GBP4: variants seen among roughly 807,000 people sequenced by gnomAD.
The protein encoded by GBP4 is guanylate binding protein 4.
In GBP4, 69 loss-of-function variants were observed where a neutral mutation model predicts 62.2. That is an observed-to-expected ratio of 1.11 (90% confidence interval 0.91 to 1.36). The LOEUF (loss-of-function observed/expected upper bound fraction) is 1.36, where lower values mean the gene tolerates loss of function less well. Among genes scored for constraint, GBP4 ranks in the 40% most tolerant of loss-of-function variants. The probability of loss-of-function intolerance (pLI) is 0.00; values close to 1 mark genes in which losing one functional copy is unlikely to be tolerated. For synonymous variants in GBP4, 278 were observed against 274.6 expected (o/e 1.01, Z -0.12); for missense variants, 697 against 759.3 (o/e 0.92, Z 0.96).
chr1:89,191,359 T>C lies in GBP4; in HGVS notation c.818A>G (p.Glu273Gly). ...HMDEVPEENLERHFLMQSDNF... is the reference protein window; with the variant it reads ...HMDEVPEENLGRHFLMQSDNF... ...GTCTGATTGCATAAGGAAATGCCTT[T>C]CCAGATTTTCTTCTGGCACTTCGTC... is the stretch of plus-strand genomic sequence containing the variant. The change falls in exon 6 of 11, where the codon GAA (glutamate) becomes GGA (glycine). Residue 273 changes from glutamate (E) to glycine (G), a missense_variant. Transcript: ENST00000355754. The C allele has an allele frequency of 6.8e-6, 11 of 1,614,246 alleles. No homozygotes were observed. The highest frequency in any genetic ancestry group is 9.3e-6 in the Non-Finnish European group (11 of 1,180,036).
At chr1:89,187,841 G>A (rs1378343952) in intron 8 of GBP4, among the ~76,000 whole-genome samples, 1 of 152,134 alleles carries the variant, frequency 6.6e-6, no homozygotes, top group Non-Finnish European at 1.5e-5. Context: ...GATAGCAAGT[G>A]TTGGCAAAGA....
Position 89,182,264 on chromosome 1 carries a change from C to G in GBP4, c.*2990G>C, listed in dbSNP as rs1362748324. 6.6e-6 allele frequency: 1 copy of G among 152,162 alleles called. No individual in the cohort carries two copies. Among genetic ancestry groups the G allele is most frequent in the Non-Finnish European group, 1.5e-5 (1 of 68,032 alleles). 9.4% of individuals were successfully genotyped at this position (152,162 alleles called of 1,614,324 possible). A position where few individuals can be genotyped will look rare whatever the true frequency, so the allele number is the denominator to read the frequency against. ...GCAAGCTGCTGCCTTAAAATCCAAG[C>G]TCCTTGAATGCACAATTTCTGTCCC... On this transcript the variant is annotated 3_prime_UTR_variant, in exon 11 of 11. Transcript: ENST00000355754.
chr1:89,189,402 A>G (rs901097318), intron 7 of GBP4, among the ~76,000 whole-genome samples: 2 of 152,220 alleles, frequency 1.3e-5, no homozygotes, highest in Non-Finnish European at 2.9e-5. Flanking sequence ...AAACATGCCT[A>G]TGGTAAGTAG....
At position 89,184,158 on chromosome 1, in the gene GBP4, C is replaced by G. The variant is rs1647967049; in HGVS notation, c.*1096G>C. 1 of 152,172 alleles carries G rather than the reference C, an allele frequency of 6.6e-6. No homozygotes were observed. Among genetic ancestry groups the G allele is most frequent in the South Asian group, 2.1e-4 (1 of 4,828 alleles). The allele number at this position is 152,172 out of a possible 1,614,324, so 9.4% of individuals were successfully genotyped here. A position where few individuals can be genotyped will look rare whatever the true frequency, so the allele number is the denominator to read the frequency against. ...CTACAGAAATGCATACCATCTCACA[C>G]CAGTCAGAATGGCTGTTACTAGAAA... is the stretch of plus-strand genomic sequence containing the variant. On this transcript the variant is annotated 3_prime_UTR_variant, in exon 11 of 11. Coordinates refer to ENST00000355754, the MANE Select transcript of GBP4 (RefSeq NM_052941.5).
At chr1:89,192,243 C>T (rs1648205779) in intron 5 of GBP4, among the ~76,000 whole-genome samples, 1 of 152,184 alleles carries the variant, frequency 6.6e-6, no homozygotes, top group Admixed American at 6.5e-5. Flanking sequence ...CAGGTATCCA[C>T]TCTGCTAAAT....
intron 4 of GBP4, 68 bp from the exon 5 acceptor site, chr1:89,193,168 T>A: frequency 6.4e-7 from 1 of 1,557,294 alleles, no homozygotes; most frequent in African/African-American, 1.4e-5. Context: ...AGAAACAAGT[T>A]TTATACACGT....
In GBP4 at chr1:89,198,937, G is replaced by A; in HGVS notation, c.-103C>T. The A allele has an allele frequency of 9.7e-7, 1 of 1,029,320 alleles. No homozygotes were observed. The highest frequency in any genetic ancestry group is 1.5e-6 in the Non-Finnish European group (1 of 648,208). 63.8% of individuals were successfully genotyped at this position (1,029,320 alleles called of 1,614,324 possible). A position where few individuals can be genotyped will look rare whatever the true frequency, so the allele number is the denominator to read the frequency against. On this transcript the variant is annotated 5_prime_UTR_variant, in exon 1 of 11. Transcript: ENST00000355754. ...ATCCAAGTAAGAGTCTGTGAGAACC[G>A]AAATTGAAAGGACATGCACTTTGTG...
chr1:89,192,917 C>T lies in GBP4; in HGVS notation c.657G>A (p.Leu219=), dbSNP rs758362147. The change falls in exon 5 of 11, where the codon TTG becomes TTA. Residue 219 remains leucine, a synonymous_variant. Transcript: ENST00000355754. ...ATGCTCTGATACCTGGAATCAGCTT[C>T]AAGGCATTCTCCAGGTACTCATCTT... is the stretch of plus-strand genomic sequence containing the variant. ...ITEDEYLENA[L]KLIPGKNPKI... The T allele has an allele frequency of 1.2e-4, 190 of 1,613,838 alleles. No homozygotes were observed. Among genetic ancestry groups the T allele is most frequent in the Non-Finnish European group, 1.5e-4 (181 of 1,179,852 alleles).
intron 8 of GBP4, among the ~76,000 whole-genome samples, chr1:89,187,719 C>T (rs1335400559): frequency 6.6e-6 from 1 of 152,158 alleles, no homozygotes; most frequent in Non-Finnish European, 1.5e-5. Flanking sequence ...ACCTGGCCAA[C>T]AGGTATGTGA....
intron 3 of GBP4, among the ~76,000 whole-genome samples, chr1:89,194,114 A>G (rs1453086813): frequency 6.6e-6 from 1 of 152,212 alleles, no homozygotes; most frequent in Non-Finnish European, 1.5e-5. Context: ...AGGACGGATA[A>G]AGCAGGTGGA....
Position 89,198,863 on chromosome 1 carries a change from G to A in GBP4, c.-29C>T, listed in dbSNP as rs1648418652. ...TCTGTCCTCCTGCGCCTGGATCCTC[G>A]AGAAACGGACTGTTCTTAGAAGCTG... On this transcript the variant is annotated 5_prime_UTR_variant, in exon 1 of 11. Transcript: ENST00000355754. 1.9e-6 allele frequency: 3 copies of A among 1,610,034 alleles called. No homozygotes were observed. Among genetic ancestry groups the A allele is most frequent in the African/African-American group, 1.3e-5 (1 of 74,918 alleles).
intron 7 of GBP4, among the ~76,000 whole-genome samples, chr1:89,189,397 T>C (rs1177485077): frequency 6.6e-6 from 1 of 152,204 alleles, no homozygotes; most frequent in African/African-American, 2.4e-5. Context: ...TCAGTAAACA[T>C]GCCTATGGTA....
intron 3 of GBP4, among the ~76,000 whole-genome samples, chr1:89,193,794 C>G (rs1484317325): frequency 6.6e-6 from 1 of 152,012 alleles, no homozygotes; most frequent in Non-Finnish European, 1.5e-5. Flanking sequence ...AAATGCAGAC[C>G]CTGCATTTGG....
At chr1:89,198,397 G>A (rs1648405291) in intron 1 of GBP4, among the ~76,000 whole-genome samples, 1 of 152,060 alleles carries the variant, frequency 6.6e-6, no homozygotes, top group South Asian at 2.1e-4. Flanking sequence ...AGTCAACTCA[G>A]GTTAAAACAA....
chr1:89,186,257 TA>T, intron 10 of GBP4, 75 bp downstream of exon 10: 4 of 1,192,312 alleles, frequency 3.4e-6, no homozygotes. Flanking sequence ...TGACTGTGCC[TA>T]AAATTTTGGT....
intron 5 of GBP4, among the ~76,000 whole-genome samples, 176 bp from the exon 6 acceptor site, chr1:89,191,682 T>C (rs574519566): frequency 1.3e-5 from 2 of 152,356 alleles, no homozygotes; most frequent in East Asian, 3.9e-4. Context: ...AATCCATTTT[T>C]GTACAGGAGC....
intron 8 of GBP4, 128 bp from the exon 9 acceptor site, chr1:89,187,230 G>T (rs780956701): frequency 2.8e-6 from 2 of 722,506 alleles, no homozygotes; most frequent in African/African-American, 3.6e-5. Flanking sequence ...AGATCCAGTG[G>T]TTTCTTTTCT....
chr1:89,189,172 A>G (rs1648116930), intron 7 of GBP4, among the ~76,000 whole-genome samples: 1 of 152,244 alleles, frequency 6.6e-6, no homozygotes, highest in Non-Finnish European at 1.5e-5. Flanking sequence ...TACATATGGC[A>G]AATCAACTTC....
chr1:89,195,879 T>C (rs894663349), intron 2 of GBP4, among the ~76,000 whole-genome samples: 6 of 152,192 alleles, frequency 3.9e-5, no homozygotes, highest in African/African-American at 9.6e-5. Flanking sequence ...AACTTACTCA[T>C]AGTGAAATAA....
Sources: gnomAD v4.1 joint callset for allele counts (sites outside exome capture counted in the v4.1 genomes callset) on GRCh38, gnomAD v4.1.1 for gene constraint, MANE v1.5 for transcripts, NCBI Gene and HGNC (gene_info 2026-07-23, HGNC 2026-07-21) for gene names.